CHN1: variants seen among roughly 807,000 people sequenced by gnomAD.
CHN1 encodes N-chimaerin.
Under a neutral mutation model 59.5 loss-of-function variants are expected in CHN1, and 37 were observed. The ratio of observed to expected loss-of-function variants is 0.62; its 90% CI spans 0.48 to 0.82. CHN1 has a LOEUF of 0.82. CHN1 is among the 40% of genes least tolerant of loss of function. The pLI is 0.00. For missense variants in CHN1, 469 were observed against 571.0 expected (o/e 0.82, Z 1.82); for synonymous variants, 206 against 200.4 (o/e 1.03, Z -0.24).
At chr2:174,830,804 A>G (rs950750693) in intron 7 of CHN1, among the ~76,000 whole-genome samples, 22 of 152,216 alleles carry the variant, frequency 1.4e-4, no homozygotes, top group African/African-American at 5.3e-4. Context: ...GCTGCTATAG[A>G]GGTGGCCACA....
intron 6 of CHN1, among the ~76,000 whole-genome samples, chr2:174,865,201 T>C (rs1687182156): frequency 6.6e-6 from 1 of 152,226 alleles, no homozygotes; most frequent in African/African-American, 2.4e-5. Context: ...AAACGGAACA[T>C]AAGAGTTGCA....
At chr2:174,832,699 T>G (rs1685921115) in intron 7 of CHN1, among the ~76,000 whole-genome samples, 1 of 152,120 alleles carries the variant, frequency 6.6e-6, no homozygotes, top group Non-Finnish European at 1.5e-5. Context: ...CTTCTACATT[T>G]ATTGATACAG....
chr2:174,817,551 C>T (rs1685313578), intron 8 of CHN1, among the ~76,000 whole-genome samples: 1 of 151,656 alleles, frequency 6.6e-6, no homozygotes, highest in Admixed American at 6.6e-5. Flanking sequence ...GCAACCTCTG[C>T]CTCCCAGTTC....
chr2:174,965,696 A>G (rs1690569162), intron 1 of CHN1, among the ~76,000 whole-genome samples: 1 of 152,210 alleles, frequency 6.6e-6, no homozygotes, highest in Admixed American at 6.5e-5. Flanking sequence ...CTTCAAATGA[A>G]GAGTCGCCTT....
intron 6 of CHN1, among the ~76,000 whole-genome samples, chr2:174,860,531 AG>A (rs1171108970): frequency 6.6e-6 from 1 of 152,206 alleles, no homozygotes; most frequent in Non-Finnish European, 1.5e-5. Context: ...GCTCATAAAT[AG>A]TTTTCACTCA....
chr2:174,990,233 CTGTGTGTGTGTGTG>C (rs954929353), intron 1 of CHN1, among the ~76,000 whole-genome samples: 213 of 116,076 alleles, frequency 1.8e-3, no homozygotes, highest in African/African-American at 7.0e-3. Flanking sequence ...TGTGGTGTGT[CTGTGTGTGTGTGTG>C]TGTGTGTGTG....
chr2:174,852,287 A>G (rs1475997090), intron 6 of CHN1, among the ~76,000 whole-genome samples: 1 of 152,128 alleles, frequency 6.6e-6, no homozygotes, highest in Non-Finnish European at 1.5e-5. Flanking sequence ...TCTGTCTCAA[A>G]AAAACAAACA....
At chr2:174,878,843 T>C (rs1687652117) in intron 5 of CHN1, among the ~76,000 whole-genome samples, 1 of 152,272 alleles carries the variant, frequency 6.6e-6, no homozygotes, top group South Asian at 2.1e-4. Context: ...TTTTATGTTC[T>C]GATGATGTGC....
Position 174,815,291 on chromosome 2 carries a change from T to C in CHN1, c.713-2809A>G, listed in dbSNP as rs1043074474. Reference sequence around the variant, plus strand: ...ACTCAGCGGGCTTGTGGTGGGAGGATTGCCTGAGCCCAGGTGGTCAAGGCT... The same window carrying C: ...ACTCAGCGGGCTTGTGGTGGGAGGACTGCCTGAGCCCAGGTGGTCAAGGCT... On this transcript the variant is annotated intron_variant, in intron 8 of 12. Coordinates refer to ENST00000409900, the MANE Select transcript of CHN1 (RefSeq NM_001822.7). 2.0e-5 allele frequency among the ~76,000 whole-genome samples: 3 copies of C among 152,178 alleles called. No individual in the cohort carries two copies. In the East Asian group the frequency reaches 5.8e-4, roughly 29 times the overall value.
At chr2:174,859,013 C>CACACACACACAA (rs1558955549) in intron 6 of CHN1, among the ~76,000 whole-genome samples, 1 of 151,260 alleles carries the variant, frequency 6.6e-6, no homozygotes, top group Non-Finnish European at 1.5e-5. Context: ...CACACACACA[C>CACACACACACAA]AAAACCAAAC....
chr2:174,898,005 T>G (rs766750684), intron 5 of CHN1, among the ~76,000 whole-genome samples: 4 of 152,202 alleles, frequency 2.6e-5, no homozygotes, highest in Non-Finnish European at 5.9e-5. Flanking sequence ...TTTTCAGGTA[T>G]GAACATGGCT....
intron 3 of CHN1, among the ~76,000 whole-genome samples, chr2:174,942,569 A>C (rs774267990): frequency 6.6e-6 from 1 of 152,124 alleles, no homozygotes; most frequent in Non-Finnish European, 1.5e-5. Context: ...CCTAGATAAG[A>C]GTTACAAATA....
At chr2:174,900,827 C>T (rs2105356286) in intron 5 of CHN1, among the ~76,000 whole-genome samples, 1 of 150,974 alleles carries the variant, frequency 6.6e-6, no homozygotes, top group East Asian at 1.9e-4. Context: ...AAGTAACTAT[C>T]AAATATCTTG....
intron 5 of CHN1, among the ~76,000 whole-genome samples, chr2:174,880,729 C>G (rs900372141): frequency 6.6e-6 from 1 of 152,060 alleles, no homozygotes; most frequent in Non-Finnish European, 1.5e-5. Flanking sequence ...CAGGTCAATA[C>G]AAATACACAA....
chr2:174,824,751 C>T (rs1685627933), intron 7 of CHN1, among the ~76,000 whole-genome samples: 1 of 152,122 alleles, frequency 6.6e-6, no homozygotes, highest in African/African-American at 2.4e-5. Context: ...GCTGGGACTA[C>T]AGGCACACAC....
chr2:174,959,781 T>TC (rs1275840211), intron 1 of CHN1, among the ~76,000 whole-genome samples: 3 of 152,162 alleles, frequency 2.0e-5, no homozygotes, highest in South Asian at 4.1e-4. Flanking sequence ...GCTGGAAGTG[T>TC]CTCTGACCTC....
intron 6 of CHN1, among the ~76,000 whole-genome samples, chr2:174,859,593 A>C (rs1038719282): frequency 2.0e-5 from 3 of 152,226 alleles, no homozygotes; most frequent in African/African-American, 4.8e-5. Flanking sequence ...TACATTCCAC[A>C]AAGTGATATG....
In CHN1 at chr2:175,005,366, C is replaced by T; in HGVS notation, c.-454G>A. On this transcript the variant is annotated 5_prime_UTR_variant, in exon 1 of 13. Coordinates refer to ENST00000409900, the MANE Select transcript of CHN1 (RefSeq NM_001822.7). ...CCGCGGCCTCGCAGACGCCATCTTGCGATAGCGTCTCCCACGAGCTCGGCC... is the reference window on the plus strand; with the variant it reads ...CCGCGGCCTCGCAGACGCCATCTTGTGATAGCGTCTCCCACGAGCTCGGCC... 9.1e-7 allele frequency: 1 copy of T among 1,104,258 alleles called. No homozygotes were observed. The allele number at this position is 1,104,258 out of a possible 1,614,324, so 68.4% of individuals were successfully genotyped here.
At chr2:174,866,109 T>G (rs1341663551) in intron 6 of CHN1, among the ~76,000 whole-genome samples, 1 of 152,204 alleles carries the variant, frequency 6.6e-6, no homozygotes, top group Non-Finnish European at 1.5e-5. Context: ...AAGCTGCTTT[T>G]GAAGTGTTTC....
Sources: gnomAD v4.1 joint callset for allele counts (sites outside exome capture counted in the v4.1 genomes callset) on GRCh38, gnomAD v4.1.1 for gene constraint, MANE v1.5 for transcripts, NCBI Gene and HGNC (gene_info 2026-07-23, HGNC 2026-07-21) for gene names.